MGAT4C: variants seen among roughly 807,000 people sequenced by gnomAD.
The protein encoded by MGAT4C is MGAT4 family member C, also known as alpha-1,3-mannosyl-glycoprotein 4-beta-N-acetylglucosaminyltransferase C.
Under a neutral mutation model 40.1 loss-of-function variants are expected in MGAT4C, and 19 were observed. The ratio of observed to expected loss-of-function variants is 0.47; its 90% confidence interval spans 0.33 to 0.70. The LOEUF (loss-of-function observed/expected upper bound fraction) is 0.70, where lower values mean the gene tolerates loss of function less well. Among genes scored for constraint, MGAT4C ranks in the 30% least tolerant of loss-of-function variants. The pLI is 0.02. For missense variants in MGAT4C, 491 were observed against 563.2 expected (o/e 0.87, Z 1.30); for synonymous variants, 181 against 187.1 (o/e 0.97, Z 0.27).
intron 1 of MGAT4C, among the ~76,000 whole-genome samples, chr12:86,111,113 G>T (rs777473420): frequency 2.0e-5 from 3 of 151,694 alleles, no homozygotes; most frequent in Non-Finnish European, 3.0e-5. Context: ...ACCATAGAAA[G>T]TTTCTGGCAT....
At chr12:86,191,676 C>T (rs958653746) in intron 1 of MGAT4C, among the ~76,000 whole-genome samples, 1 of 135,148 alleles carries the variant, frequency 7.4e-6, no homozygotes, top group Non-Finnish European at 1.6e-5. Flanking sequence ...CACACACACC[C>T]TTATCTCCTG....
chr12:86,724,654 C>T (rs944798706), intron 2 of MGAT4C, among the ~76,000 whole-genome samples: 19 of 152,082 alleles, frequency 1.2e-4, no homozygotes, highest in Admixed American at 7.9e-4. Flanking sequence ...ATAAGATGTG[C>T]TATGTTTGAA....
intron 2 of MGAT4C, chr12:86,028,211 A>G (rs1410789887): frequency 2.3e-6 from 3 of 1,279,118 alleles, no homozygotes; most frequent in Non-Finnish European, 3.0e-6. Context: ...CCATCTGCTG[A>G]TGGAAAAAAG....
At chr12:86,228,844 T>G (rs1951203384) in intron 1 of MGAT4C, among the ~76,000 whole-genome samples, 1 of 151,864 alleles carries the variant, frequency 6.6e-6, no homozygotes, top group Non-Finnish European at 1.5e-5. Flanking sequence ...AAAGTGAAAC[T>G]AAACAAATAC....
Position 86,541,398 on chromosome 12 carries a change from C to T in MGAT4C, c.-228-106133G>A, listed in dbSNP as rs543719354. Among the ~76,000 whole-genome samples, 70 of 152,108 alleles carry T rather than the reference C, an allele frequency of 4.6e-4. 2 individuals carry two copies. The South Asian group carries it at 5.8e-3, about 13-fold the overall frequency. ...AAAATCTATCAATGACTGGTAAATACGAGATGGTAGATTATGCAAAAGTTC... is the reference window on the plus strand; with the variant it reads ...AAAATCTATCAATGACTGGTAAATATGAGATGGTAGATTATGCAAAAGTTC... On this transcript the variant is annotated intron_variant, in intron 2 of 7. Coordinates refer to the MGAT4C transcript ENST00000548651.
intron 1 of MGAT4C, among the ~76,000 whole-genome samples, chr12:86,107,356 A>ATGTG (rs551672856): frequency 1.3e-5 from 2 of 151,346 alleles, no homozygotes; most frequent in Non-Finnish European, 3.0e-5. Flanking sequence ...AAATCATTGT[A>ATGTG]TGTGTGTGTG....
rs1255430037 is a variant in MGAT4C at position 86,122,513 on chromosome 12, TA to T, written c.-56-72791del. On this transcript the variant is annotated intron_variant, in intron 1 of 4. Transcript: ENST00000611864. ...ATGACACTTTTCATCTTATCTAAGT[TA>T]TAACTAAATAGGTAATTAATCTATA... 3.9e-5 allele frequency among the ~76,000 whole-genome samples: 6 copies of T among 152,284 alleles called. No homozygotes were observed. The East Asian group carries it at 7.7e-4, about 20-fold the overall frequency.
At chr12:86,647,721 G>A (rs1963581215) in intron 2 of MGAT4C, among the ~76,000 whole-genome samples, 1 of 151,714 alleles carries the variant, frequency 6.6e-6, no homozygotes. Flanking sequence ...TGGAATGAAG[G>A]GCGACTAAAT....
intron 4 of MGAT4C, among the ~76,000 whole-genome samples, chr12:86,261,948 C>T (rs1195493421): frequency 1.3e-5 from 2 of 152,026 alleles, no homozygotes; most frequent in Non-Finnish European, 2.9e-5. Context: ...CCTCAGGTTG[C>T]AATTTTTTGA....
chr12:86,570,159 T>C (rs1960303282), intron 2 of MGAT4C, among the ~76,000 whole-genome samples: 1 of 152,076 alleles, frequency 6.6e-6, no homozygotes, highest in Admixed American at 6.6e-5. Context: ...TAATACGTTG[T>C]ACAATTGAAA....
chr12:86,150,684 C>T (rs1356898196), intron 1 of MGAT4C, among the ~76,000 whole-genome samples: 1 of 151,976 alleles, frequency 6.6e-6, no homozygotes, highest in South Asian at 2.1e-4. Context: ...ACTTCAAGCT[C>T]AATAATTTGC....
chr12:86,302,437 T>C (rs1441322673), intron 4 of MGAT4C, among the ~76,000 whole-genome samples: 3 of 150,410 alleles, frequency 2.0e-5, no homozygotes, highest in African/African-American at 5.0e-5. Context: ...TTTGGTTTGG[T>C]TTGGTTTTCG....
intron 1 of MGAT4C, among the ~76,000 whole-genome samples, chr12:86,769,400 C>T (rs1593190107): frequency 6.6e-6 from 1 of 152,026 alleles, no homozygotes; most frequent in East Asian, 1.9e-4. Context: ...CATAGGAACA[C>T]TTTTACACTG....
intron 1 of MGAT4C, among the ~76,000 whole-genome samples, 172 bp downstream of exon 1, chr12:86,256,067 C>A (rs1362794225): frequency 6.6e-6 from 1 of 152,052 alleles, no homozygotes; most frequent in Non-Finnish European, 1.5e-5. Flanking sequence ...TACACGTTAG[C>A]AAGCTCTTTT....
intron 2 of MGAT4C, among the ~76,000 whole-genome samples, chr12:86,703,951 T>C (rs1950408304): frequency 6.6e-6 from 1 of 152,190 alleles, no homozygotes; most frequent in Non-Finnish European, 1.5e-5. Flanking sequence ...GCAACAGTCC[T>C]ACTTTTATTG....
At chr12:86,470,070 T>A (rs1957737060) in intron 2 of MGAT4C, among the ~76,000 whole-genome samples, 1 of 152,170 alleles carries the variant, frequency 6.6e-6, no homozygotes, top group Non-Finnish European at 1.5e-5. Flanking sequence ...TTTATTTATC[T>A]GTTGTTGGAA....
At chr12:86,415,655 G>A (rs1956694944) in intron 3 of MGAT4C, among the ~76,000 whole-genome samples, 1 of 151,926 alleles carries the variant, frequency 6.6e-6, no homozygotes, top group Non-Finnish European at 1.5e-5. Context: ...AGATCATCCT[G>A]GCATGATTGT....
At chr12:86,642,616 C>T (rs1963424910) in intron 2 of MGAT4C, among the ~76,000 whole-genome samples, 1 of 151,678 alleles carries the variant, frequency 6.6e-6, no homozygotes, top group Non-Finnish European at 1.5e-5. Context: ...AGTCACGAGA[C>T]TAGGTTATGC....
intron 4 of MGAT4C, among the ~76,000 whole-genome samples, chr12:86,327,194 C>T (rs1592701132): frequency 6.6e-6 from 1 of 152,058 alleles, no homozygotes; most frequent in East Asian, 1.9e-4. Flanking sequence ...CCTCATTTAT[C>T]TCCCAGCACT....
Sources: allele counts gnomAD v4.1 joint callset (sites outside exome capture counted in the v4.1 genomes callset), GRCh38; gene constraint gnomAD v4.1.1; transcripts MANE v1.5; gene names NCBI Gene and HGNC (gene_info 2026-07-23, HGNC 2026-07-21).